MYT1L: variants seen among roughly 807,000 people sequenced by gnomAD.
The protein encoded by MYT1L is myelin transcription factor 1-like protein.
In MYT1L, 12 loss-of-function variants were observed where a neutral mutation model predicts 126.7. The ratio of observed to expected loss-of-function variants is 0.09; its 90% confidence interval spans 0.06 to 0.15. The LOEUF is 0.15. Ranked by LOEUF, MYT1L falls within the 10% of genes least tolerant of loss-of-function variation. The pLI, the probability that MYT1L is intolerant of heterozygous loss-of-function variation, is 1.00. For missense variants in MYT1L, 979 were observed against 1,585.2 expected (o/e 0.62, Z 6.49); for synonymous variants, 541 against 604.2 (o/e 0.90, Z 1.53).
At chr2:1,794,824 T>C (rs1322689743) in intron 23 of MYT1L, among the ~76,000 whole-genome samples, 11 of 152,160 alleles carry the variant, frequency 7.2e-5, no homozygotes, top group Admixed American at 5.2e-4. Flanking sequence ...ACAAATCTCA[T>C]TGTGTTAAAT....
rs146728648 is a variant in MYT1L at position 2,252,767 on chromosome 2, G to A, written c.-421+31637C>T. On this transcript the variant is annotated intron_variant, in intron 2 of 24. Coordinates refer to ENST00000647738, the MANE Select transcript of MYT1L (RefSeq NM_001303052.2). ...CTTCATCTGTCCTCACCTCCCCCAC[G>A]AAAAGCATCCCTGGGTGTGCTCAGT... Among the ~76,000 whole-genome samples, 276 of 152,142 alleles carry A rather than the reference G, an allele frequency of 1.8e-3. 1 individual carries two copies. The highest frequency in any genetic ancestry group is 6.4e-3 in the African/African-American group (265 of 41,518).
chr2:2,135,925 A>G (rs747912023), intron 3 of MYT1L, among the ~76,000 whole-genome samples: 18 of 152,208 alleles, frequency 1.2e-4, no homozygotes, highest in African/African-American at 1.7e-4. Context: ...ACATGCACAC[A>G]TATGTTTACT....
At chr2:2,062,691 T>C (rs1002671847) in intron 3 of MYT1L, among the ~76,000 whole-genome samples, 1 of 152,230 alleles carries the variant, frequency 6.6e-6, no homozygotes, top group South Asian at 2.1e-4. Flanking sequence ...CTAATATTTG[T>C]CTGAGCAAAA....
At chr2:2,278,053 C>T (rs2095392078) in intron 2 of MYT1L, among the ~76,000 whole-genome samples, 1 of 152,152 alleles carries the variant, frequency 6.6e-6, no homozygotes, top group Admixed American at 6.5e-5. Flanking sequence ...AATTAGACTT[C>T]TTTTCCTATA....
chr2:1,959,956 T>C (rs975994665), intron 8 of MYT1L, among the ~76,000 whole-genome samples: 45 of 152,380 alleles, frequency 3.0e-4, no homozygotes, highest in Non-Finnish European at 1.2e-4. Flanking sequence ...ATCTTATTTA[T>C]ATATTTTCAG....
chr2:1,826,493 C>T (rs1178348330), intron 21 of MYT1L, among the ~76,000 whole-genome samples: 2 of 152,156 alleles, frequency 1.3e-5, no homozygotes, highest in African/African-American at 4.8e-5. Flanking sequence ...AGGAGGTTGA[C>T]CAGATGTCAC....
intron 5 of MYT1L, among the ~76,000 whole-genome samples, chr2:1,983,187 C>A (rs2060737238): frequency 6.6e-6 from 1 of 152,166 alleles, no homozygotes; most frequent in Non-Finnish European, 1.5e-5. Context: ...CCGTCGGTTC[C>A]TTCCAGTGCA....
At chr2:2,304,317 AG>A (rs775110740) in intron 1 of MYT1L, among the ~76,000 whole-genome samples, 8 of 152,196 alleles carry the variant, frequency 5.3e-5, no homozygotes, top group Non-Finnish European at 8.8e-5. Context: ...TAACTATGGT[AG>A]GTAAGTGAGT....
intron 4 of MYT1L, among the ~76,000 whole-genome samples, chr2:2,014,981 T>C (rs2064226006): frequency 6.6e-6 from 1 of 152,238 alleles, no homozygotes; most frequent in Non-Finnish European, 1.5e-5. Context: ...AAAGGGCTAT[T>C]GGATTTCTTG....
At chr2:2,240,249 T>C (rs1541643) in intron 2 of MYT1L, among the ~76,000 whole-genome samples, 65,772 of 151,936 alleles carry the variant, frequency 0.43, 14,393 homozygotes, top group East Asian at 0.62. Flanking sequence ...GCTGAGATCA[T>C]AGCATTGTGC....
intron 1 of MYT1L, among the ~76,000 whole-genome samples, chr2:2,329,736 G>T (rs1471304945): frequency 6.6e-6 from 1 of 151,980 alleles, no homozygotes; most frequent in Non-Finnish European, 1.5e-5. Flanking sequence ...CATCAGTAGT[G>T]GTCTATGTTA....
rs148719816 is a variant in MYT1L, at chr2:2,118,436, G to C, written c.-304+54436C>G. On this transcript the variant is annotated intron_variant, in intron 3 of 24. Transcript: ENST00000647738. ...TTAATGATTTCTCCAATAATATTAT[G>C]TGGCTATAACTAAGGTTGAGATATC... 4.1e-3 allele frequency among the ~76,000 whole-genome samples: 619 copies of C among 152,286 alleles called. 4 individuals are homozygous for C. The highest frequency in any genetic ancestry group is 0.014 in the African/African-American group (589 of 41,564).
chr2:2,220,927 G>T (rs1010893608), intron 2 of MYT1L, among the ~76,000 whole-genome samples: 2 of 152,008 alleles, frequency 1.3e-5, no homozygotes, highest in African/African-American at 4.8e-5. Flanking sequence ...GAACAATTAT[G>T]GTGATGGTTT....
At chr2:2,012,003 A>G (rs1423910817) in intron 4 of MYT1L, among the ~76,000 whole-genome samples, 1 of 152,218 alleles carries the variant, frequency 6.6e-6, no homozygotes, top group African/African-American at 2.4e-5. Context: ...TGGTGCAGTC[A>G]CTTTAGAAAA....
intron 5 of MYT1L, among the ~76,000 whole-genome samples, chr2:1,993,415 A>G (rs2061593112): frequency 1.3e-5 from 2 of 152,126 alleles, no homozygotes; most frequent in Admixed American, 6.5e-5. Flanking sequence ...CTCTTTGTAT[A>G]TTTATTGTTT....
chr2:2,118,527 T>C (rs760004944), intron 3 of MYT1L, among the ~76,000 whole-genome samples: 62 of 152,290 alleles, frequency 4.1e-4, no homozygotes, highest in Non-Finnish European at 8.1e-4. Context: ...ATAAAATCAA[T>C]TACAAGGATG....
chr2:2,327,180 A>C (rs2149736025), intron 1 of MYT1L: 1 of 152,332 alleles, frequency 6.6e-6, no homozygotes, highest in East Asian at 1.9e-4. Flanking sequence ...GTGGTATGTC[A>C]ATTTAAAATA....
chr2:2,222,808 A>G (rs1229137551), intron 2 of MYT1L, among the ~76,000 whole-genome samples: 1 of 152,210 alleles, frequency 6.6e-6, no homozygotes. Flanking sequence ...CAAAGTATTA[A>G]TGTGATGAAG....
At chr2:2,045,682 T>C (rs1457737282) in intron 4 of MYT1L, among the ~76,000 whole-genome samples, 3 of 152,100 alleles carry the variant, frequency 2.0e-5, no homozygotes, top group Non-Finnish European at 4.4e-5. Context: ...GTGAATGCAT[T>C]AGAAATTAGA....
Sources: gnomAD v4.1 joint callset for allele counts (sites outside exome capture counted in the v4.1 genomes callset) on GRCh38, gnomAD v4.1.1 for gene constraint, MANE v1.5 for transcripts, NCBI Gene and HGNC (gene_info 2026-07-23, HGNC 2026-07-21) for gene names.